FBXO16: variants seen among roughly 807,000 people sequenced by gnomAD.
FBXO16 encodes the protein F-box protein 16, also known as F-box only protein 16.
FBXO16 carries 31 observed loss-of-function variants against 41.0 expected under a neutral mutation model. The observed-to-expected ratio is 0.76, with a 90% CI of 0.57 to 1.02. FBXO16 has a LOEUF of 1.02. FBXO16 is among the 50% of genes least tolerant of loss of function. The pLI is 0.00. For missense variants in FBXO16, 361 were observed against 346.2 expected (o/e 1.04, Z -0.34); for synonymous variants, 133 against 117.8 (o/e 1.13, Z -0.84).
chr8:28,478,390 G>A (rs996944337), intron 2 of FBXO16, among the ~76,000 whole-genome samples: 1 of 152,130 alleles, frequency 6.6e-6, no homozygotes, highest in African/African-American at 2.4e-5. Flanking sequence ...CCTGGCGGGG[G>A]TGGGTAGGCA....
chr8:28,459,873 A>G (rs1442470237), intron 4 of FBXO16, among the ~76,000 whole-genome samples: 2 of 151,550 alleles, frequency 1.3e-5, no homozygotes, highest in East Asian at 2.0e-4. Context: ...GTAAAAGTAC[A>G]AAAATTAGCC....
At position 28,456,948 on chromosome 8, in the gene FBXO16, A is replaced by G. The variant is rs1803049580; in HGVS notation, c.343-18T>C. On this transcript the variant is annotated intron_variant, in intron 4 of 8. Coordinates refer to ENST00000380254, the MANE Select transcript of FBXO16 (RefSeq NM_172366.4). ...CAGCACACCTGGAAAAACAATTACA[A>G]TTAAACAAAACCAAATCAAACAACC... 1.2e-6 allele frequency: 2 copies of G among 1,606,874 alleles called. No homozygotes were observed. Among genetic ancestry groups the G allele is most frequent in the Non-Finnish European group, 1.7e-6 (2 of 1,175,868 alleles).
intron 1 of FBXO16, among the ~76,000 whole-genome samples, chr8:28,485,245 T>C (rs1803584119): frequency 6.6e-6 from 1 of 152,194 alleles, no homozygotes; most frequent in South Asian, 2.1e-4. Flanking sequence ...CAGACATGGC[T>C]CACTGCAACC....
intron 1 of FBXO16, among the ~76,000 whole-genome samples, chr8:28,487,310 A>T (rs747437588): frequency 2.0e-5 from 3 of 151,350 alleles, no homozygotes; most frequent in Non-Finnish European, 4.4e-5. Context: ...TCCTTCCTCC[A>T]TTCCAGAAGA....
intron 3 of FBXO16, among the ~76,000 whole-genome samples, chr8:28,470,392 G>A (rs1388801485): frequency 1.3e-5 from 2 of 152,144 alleles, no homozygotes; most frequent in African/African-American, 4.8e-5. Flanking sequence ...AAAGAAAAAG[G>A]AGGAGGAGGA....
At chr8:28,455,682 G>C (rs1803028440) in intron 5 of FBXO16, 1 of 152,212 alleles carries the variant, frequency 6.6e-6, no homozygotes, top group African/African-American at 2.4e-5. Flanking sequence ...GTCTCACTAG[G>C]AAAGGAGTCA....
chr8:28,471,876 A>G (rs925858324), intron 3 of FBXO16, among the ~76,000 whole-genome samples: 17 of 149,114 alleles, frequency 1.1e-4, no homozygotes, highest in Middle Eastern at 3.5e-3. Flanking sequence ...ATGGCCATTG[A>G]GACTTTGTGT....
intron 4 of FBXO16, among the ~76,000 whole-genome samples, chr8:28,459,038 T>C (rs1391955858): frequency 6.6e-6 from 1 of 152,138 alleles, no homozygotes; most frequent in African/African-American, 2.4e-5. Context: ...AATTATGACT[T>C]ATAGTGCATG....
chr8:28,478,328 G>C (rs1803454802), intron 2 of FBXO16, among the ~76,000 whole-genome samples: 2 of 152,138 alleles, frequency 1.3e-5, no homozygotes, highest in Non-Finnish European at 2.9e-5. Context: ...CTGTTGGAAG[G>C]CTGCTGGTTG....
At chr8:28,444,047 C>T (rs1038741397) in intron 7 of FBXO16, among the ~76,000 whole-genome samples, 6 of 152,134 alleles carry the variant, frequency 3.9e-5, no homozygotes, top group Middle Eastern at 3.2e-3. Context: ...AATAAACTTG[C>T]TTTCACTGTA....
chr8:28,432,190 G>A (rs1188485344), intron 7 of FBXO16, among the ~76,000 whole-genome samples: 21 of 151,210 alleles, frequency 1.4e-4, no homozygotes, highest in Admixed American at 9.9e-4. Context: ...ATCAATACAC[G>A]AGGCCGGGTG....
intron 7 of FBXO16, among the ~76,000 whole-genome samples, chr8:28,445,080 A>G (rs1802842926): frequency 6.6e-6 from 1 of 152,068 alleles, no homozygotes; most frequent in African/African-American, 2.4e-5. Flanking sequence ...GCATGAGTCA[A>G]AATATCGCAG....
intron 2 of FBXO16, among the ~76,000 whole-genome samples, chr8:28,475,879 G>A (rs535555771): frequency 1.9e-4 from 29 of 152,170 alleles, no homozygotes; most frequent in African/African-American, 3.4e-4. Flanking sequence ...CTTTTTGTTC[G>A]ATTCCCATAT....
chr8:28,464,824 T>C (rs984504876), intron 3 of FBXO16, among the ~76,000 whole-genome samples: 3 of 152,146 alleles, frequency 2.0e-5, no homozygotes, highest in African/African-American at 7.2e-5. Context: ...TGGCTAACTT[T>C]AGTATTTTTA....
At chr8:28,430,890 T>TG in intron 7 of FBXO16, among the ~76,000 whole-genome samples, 1 of 152,098 alleles carries the variant, frequency 6.6e-6, no homozygotes, top group African/African-American at 2.4e-5. Context: ...GAGAATCTCT[T>TG]GAACCTGGGA....
In FBXO16 at chr8:28,445,119, G is replaced by T. The variant is rs866279161; in HGVS notation, c.843+2052C>A. ...ACTTTTTGGGGGATTTAATGATGCCGTATGCTCTTTATCAAAACTACGAAA... is the reference window on the plus strand; with the variant it reads ...ACTTTTTGGGGGATTTAATGATGCCTTATGCTCTTTATCAAAACTACGAAA... On this transcript the variant is annotated intron_variant, in intron 7 of 8. Transcript: ENST00000380254. Among the ~76,000 whole-genome samples, 3 of 152,088 alleles carry T rather than the reference G, an allele frequency of 2.0e-5. 1 individual carries two copies. The highest frequency in any genetic ancestry group is 4.4e-5 in the Non-Finnish European group (3 of 67,990).
chr8:28,465,872 A>C (rs55720934), intron 3 of FBXO16, among the ~76,000 whole-genome samples: 8,030 of 151,964 alleles, frequency 0.053, 313 homozygotes, highest in African/African-American at 0.1. Flanking sequence ...TTTAAAGTTC[A>C]GTTTGATTAC....
At chr8:28,462,607 A>G (rs1402601665) in intron 4 of FBXO16, among the ~76,000 whole-genome samples, 4 of 152,224 alleles carry the variant, frequency 2.6e-5, no homozygotes, top group African/African-American at 9.7e-5. Flanking sequence ...TTTAAAAACT[A>G]AAGTTAACAT....
intron 2 of FBXO16, among the ~76,000 whole-genome samples, chr8:28,480,098 T>G (rs1803487599): frequency 6.6e-6 from 1 of 152,046 alleles, no homozygotes; most frequent in African/African-American, 2.4e-5. Flanking sequence ...AATCTGTCTC[T>G]CTCCCTCTTT....
Sources: gnomAD v4.1 joint callset for allele counts (sites outside exome capture counted in the v4.1 genomes callset) on GRCh38, gnomAD v4.1.1 for gene constraint, MANE v1.5 for transcripts, NCBI Gene and HGNC (gene_info 2026-07-23, HGNC 2026-07-21) for gene names.